SOX5: variants seen among roughly 807,000 people sequenced by gnomAD.
The protein encoded by SOX5 is SRY-box transcription factor 5.
A neutral mutation model predicts 92.0 loss-of-function variants in SOX5; 9 were observed. The ratio of observed to expected loss-of-function variants is 0.10; its 90% CI spans 0.06 to 0.17. SOX5 has a LOEUF of 0.17. Among genes scored for constraint, SOX5 ranks in the 10% least tolerant of loss-of-function variants. The probability of loss-of-function intolerance (pLI) is 1.00; values close to 1 mark genes in which losing one functional copy is unlikely to be tolerated. For synonymous variants in SOX5, 344 were observed against 336.3 expected, an observed-to-expected ratio of 1.02 and a Z score of -0.25; for missense variants, 642 against 944.5, an observed-to-expected ratio of 0.68 and a Z score of 4.20.
intron 8 of SOX5, among the ~76,000 whole-genome samples, chr12:23,618,085 C>A (rs2076780812): frequency 6.6e-6 from 1 of 152,164 alleles, no homozygotes; most frequent in Non-Finnish European, 1.5e-5. Context: ...GGTCACCAAC[C>A]AGCAAATACA....
chr12:24,357,858 AGAAG>A (rs1565978955), intron 2 of SOX5, among the ~76,000 whole-genome samples: 11 of 140,738 alleles, frequency 7.8e-5, no homozygotes, highest in East Asian at 2.8e-4. Flanking sequence ...AAAAAAAGAA[AGAAG>A]AAAAAAGAAA....
chr12:23,882,614 C>T (rs982930337), intron 2 of SOX5, among the ~76,000 whole-genome samples: 2 of 152,034 alleles, frequency 1.3e-5, no homozygotes, highest in African/African-American at 2.4e-5. Flanking sequence ...GAGTAAGTTG[C>T]AGAGCAATTG....
At chr12:23,865,159 C>T (rs2096797322) in intron 2 of SOX5, among the ~76,000 whole-genome samples, 1 of 152,156 alleles carries the variant, frequency 6.6e-6, no homozygotes, top group Admixed American at 6.5e-5. Context: ...TATCTGTTTA[C>T]AACATGGTTT....
chr12:24,334,906 A>G (rs557516154), intron 2 of SOX5, among the ~76,000 whole-genome samples: 1 of 100,586 alleles, frequency 9.9e-6, no homozygotes, highest in South Asian at 3.5e-4. Flanking sequence ...TTACAATCCC[A>G]ATTATGTAAA....
intron 1 of SOX5, among the ~76,000 whole-genome samples, chr12:24,488,511 A>G (rs1172875248): frequency 6.6e-6 from 1 of 152,152 alleles, no homozygotes; most frequent in Non-Finnish European, 1.5e-5. Flanking sequence ...GCTCAAACCC[A>G]GGAGTTCAAG....
intron 6 of SOX5, among the ~76,000 whole-genome samples, chr12:23,686,180 T>G (rs1221849001): frequency 6.6e-6 from 1 of 152,152 alleles, no homozygotes. Flanking sequence ...CAGGTTCTTT[T>G]GAATGAATAT....
intron 4 of SOX5, among the ~76,000 whole-genome samples, chr12:23,978,055 C>T (rs770372282): frequency 9.2e-5 from 14 of 152,186 alleles, no homozygotes; most frequent in Non-Finnish European, 1.8e-4. Context: ...TGACACCTTA[C>T]TGGAGAAAAA....
At chr12:24,133,476 C>T (rs1242789014) in intron 4 of SOX5, among the ~76,000 whole-genome samples, 1 of 151,978 alleles carries the variant, frequency 6.6e-6, no homozygotes, top group Non-Finnish European at 1.5e-5. Flanking sequence ...TCAATTAAAC[C>T]CAGGGGAGGT....
At chr12:23,776,728 T>C (rs1160682504) in intron 3 of SOX5, among the ~76,000 whole-genome samples, 1 of 152,124 alleles carries the variant, frequency 6.6e-6, no homozygotes, top group Non-Finnish European at 1.5e-5. Context: ...CCTAGATCCC[T>C]AGCATGTGCA....
intron 4 of SOX5, among the ~76,000 whole-genome samples, chr12:24,205,778 C>T (rs529543739): frequency 3.9e-5 from 6 of 152,166 alleles, no homozygotes; most frequent in Non-Finnish European, 8.8e-5. Context: ...GTGAACAAAG[C>T]CCTGGCTCCT....
chr12:24,438,048 A>G (rs1939782091), intron 1 of SOX5, among the ~76,000 whole-genome samples: 1 of 152,226 alleles, frequency 6.6e-6, no homozygotes. Context: ...CCCATCAATG[A>G]CAGACTGGAT....
chr12:23,846,134 A>G lies in SOX5; in HGVS notation c.330T>C (p.Pro110=). 1 of 1,614,046 alleles carries G rather than the reference A, an allele frequency of 6.2e-7. No individual in the cohort carries two copies. The highest frequency in any genetic ancestry group is 8.5e-7 in the Non-Finnish European group (1 of 1,179,990). The change falls in exon 3 of 15, where the codon CCT becomes CCC. Residue 110 remains proline (P), a synonymous_variant. Coordinates refer to ENST00000451604, the MANE Select transcript of SOX5 (RefSeq NM_006940.6). The stretch of plus-strand genomic sequence containing the variant: ...GTCGCCCACCTTCTTCTGCCTTCTG[A>G]GGTGAGGTAGATGAGTTGTGTGGGG... ...SFAPHNSSTS[P]QKAEEGGRQS...
chr12:24,397,935 C>T (rs566678183), intron 1 of SOX5, among the ~76,000 whole-genome samples: 38 of 151,990 alleles, frequency 2.5e-4, no homozygotes, highest in African/African-American at 8.7e-4. Context: ...CTGCAAGCTC[C>T]GACTCCCGGG....
At chr12:24,405,820 C>T (rs963858841) in intron 1 of SOX5, among the ~76,000 whole-genome samples, 1 of 152,072 alleles carries the variant, frequency 6.6e-6, no homozygotes, top group African/African-American at 2.4e-5. Context: ...ATGGATGGCT[C>T]TAAAAGTTAT....
chr12:24,366,552 T>G (rs569471708), intron 2 of SOX5, among the ~76,000 whole-genome samples: 5 of 152,282 alleles, frequency 3.3e-5, no homozygotes, highest in African/African-American at 1.2e-4. Flanking sequence ...TTGAATTCTG[T>G]TTACATTATT....
chr12:23,835,608 T>G (rs927409138), intron 3 of SOX5, among the ~76,000 whole-genome samples: 3 of 151,854 alleles, frequency 2.0e-5, no homozygotes, highest in African/African-American at 4.8e-5. Context: ...TGATCTCTAT[T>G]GAGGCATAAG....
chr12:23,973,883 T>G (rs978270929), intron 4 of SOX5, among the ~76,000 whole-genome samples: 1 of 152,176 alleles, frequency 6.6e-6, no homozygotes, highest in Non-Finnish European at 1.5e-5. Context: ...CATATGAGAA[T>G]CTAACTAATG....
Position 23,734,711 on chromosome 12 carries a change from T to C in SOX5, c.783A>G (p.Lys261=). Residue 261 remains lysine (K), a synonymous_variant, in exon 6 of 15, where the codon AAA becomes AAG. Coordinates refer to ENST00000451604, the MANE Select transcript of SOX5 (RefSeq NM_006940.6). The part of the protein sequence containing the change: ...QQQQLLQQQH[K]INLLQQQIQV... ...GGATCTGTTGCTGGAGCAAATTGAT[T>C]TTGTGTTGTTGCTGTAGAAGCTGCT... 2 of 1,613,084 alleles carry C rather than the reference T, an allele frequency of 1.2e-6. No homozygotes were observed. Among genetic ancestry groups the C allele is most frequent in the African/African-American group, 1.3e-5 (1 of 75,032 alleles).
intron 3 of SOX5, among the ~76,000 whole-genome samples, chr12:24,233,478 G>A (rs1264175192): frequency 1.3e-5 from 2 of 152,150 alleles, no homozygotes; most frequent in East Asian, 3.9e-4. Context: ...ACAGAATTGA[G>A]GATCAAAGAA....
Sources: gnomAD v4.1 joint callset for allele counts (sites outside exome capture counted in the v4.1 genomes callset) on GRCh38, gnomAD v4.1.1 for gene constraint, MANE v1.5 for transcripts, NCBI Gene and HGNC (gene_info 2026-07-23, HGNC 2026-07-21) for gene names.